RYR3: variants seen among roughly 807,000 people sequenced by gnomAD.
RYR3 encodes the protein ryanodine receptor 3.
In RYR3, 207 loss-of-function variants were observed where a neutral mutation model predicts 584.3. The ratio of observed to expected loss-of-function variants is 0.35; its 90% CI spans 0.32 to 0.40. The LOEUF (loss-of-function observed/expected upper bound fraction) is 0.40, where lower values mean the gene tolerates loss of function less well. Ranked by LOEUF, RYR3 falls within the 10% of genes least tolerant of loss-of-function variation. The pLI, the probability that RYR3 is intolerant of heterozygous loss-of-function variation, is 1.00. For synonymous variants in RYR3, 2,416 were observed against 2,248.5 expected (o/e 1.07, Z -2.11); for missense variants, 5,616 against 6,089.2 (o/e 0.92, Z 2.59).
chr15:33,617,413 A>C lies in RYR3; in HGVS notation c.2357+4038A>C, dbSNP rs1381136421. Among the ~76,000 whole-genome samples, 14 of 151,776 alleles carry C rather than the reference A, an allele frequency of 9.2e-5. 1 individual carries two copies. The highest frequency in any genetic ancestry group is 1.8e-4 in the Non-Finnish European group (12 of 67,946). Reference sequence around the variant, plus strand: ...GGCGACAGAGTGAGACTCTGACTCAAAAAAAAAACGTATTTTATAATGAAA... The same window carrying C: ...GGCGACAGAGTGAGACTCTGACTCACAAAAAAAACGTATTTTATAATGAAA... On this transcript the variant is annotated intron_variant, in intron 19 of 103. Coordinates refer to ENST00000634891, the MANE Select transcript of RYR3 (RefSeq NM_001036.6).
At chr15:33,406,961 T>C (rs1449585630) in intron 1 of RYR3, among the ~76,000 whole-genome samples, 1 of 152,208 alleles carries the variant, frequency 6.6e-6, no homozygotes, top group African/African-American at 2.4e-5. Context: ...TTATCTCTTA[T>C]GGTTTTGGAG....
chr15:33,484,027 A>G (rs2050196206), intron 2 of RYR3, among the ~76,000 whole-genome samples: 1 of 152,192 alleles, frequency 6.6e-6, no homozygotes, highest in Admixed American at 6.6e-5. Context: ...GTGCCTTCAA[A>G]TAGTTATTTA....
At chr15:33,508,648 T>TCAAAA (rs913253952) in intron 3 of RYR3, among the ~76,000 whole-genome samples, 3 of 152,170 alleles carry the variant, frequency 2.0e-5, no homozygotes, top group South Asian at 2.1e-4. Flanking sequence ...AGTCTCCATC[T>TCAAAA]CAAAACAAAA....
At chr15:33,434,666 G>A (rs1307240867) in intron 1 of RYR3, among the ~76,000 whole-genome samples, 1 of 152,042 alleles carries the variant, frequency 6.6e-6, no homozygotes, top group African/African-American at 2.4e-5. Flanking sequence ...AAGTAACAGG[G>A]TATTACCGAT....
chr15:33,555,860 T>C (rs1022118428), intron 10 of RYR3, among the ~76,000 whole-genome samples: 1 of 152,158 alleles, frequency 6.6e-6, no homozygotes, highest in Non-Finnish European at 1.5e-5. Context: ...GAGGAAGGCG[T>C]TCCTCCTCTT....
At chr15:33,598,246 C>CAAAAAAAAAAAAAA (rs35785154) in intron 16 of RYR3, among the ~76,000 whole-genome samples, 5 of 74,306 alleles carry the variant, frequency 6.7e-5, no homozygotes, top group African/African-American at 1.6e-4. Context: ...AAAAATTGCT[C>CAAAAAAAAAAAAAA]AAAAAAAAAA....
chr15:33,458,607 G>A (rs2047757499), intron 1 of RYR3, among the ~76,000 whole-genome samples: 2 of 152,190 alleles, frequency 1.3e-5, no homozygotes, highest in East Asian at 1.9e-4. Flanking sequence ...TCAGTTCATT[G>A]TAAGTTCATG....
chr15:33,464,900 C>A lies in RYR3; in HGVS notation c.52-8519C>A, dbSNP rs183611979. On this transcript the variant is annotated intron_variant, in intron 1 of 103. Transcript: ENST00000634891. ...ACCAGCATCTTCCCACTGTCCCCAT[C>A]CCCCCTGTCTCTGACAACCACCATT... 3.3e-5 allele frequency among the ~76,000 whole-genome samples: 5 copies of A among 152,260 alleles called. No individual in the cohort carries two copies. The East Asian group carries it at 9.7e-4, about 29-fold the overall frequency.
At chr15:33,859,809 G>T in intron 100 of RYR3, 78 bp downstream of exon 100, 1 of 1,416,182 alleles carries the variant, frequency 7.1e-7, no homozygotes. Flanking sequence ...TGACTTAATT[G>T]GTTTATGAAG....
chr15:33,401,190 G>C (rs994143746), intron 1 of RYR3, among the ~76,000 whole-genome samples: 1 of 152,070 alleles, frequency 6.6e-6, no homozygotes, highest in African/African-American at 2.4e-5. Context: ...TGCTTTGTTG[G>C]GGCAATCATC....
At chr15:33,584,897 G>C (rs1055692565) in intron 15 of RYR3, among the ~76,000 whole-genome samples, 20 of 151,794 alleles carry the variant, frequency 1.3e-4, no homozygotes, top group Non-Finnish European at 2.8e-4. Context: ...TCTAAAAGCG[G>C]GAGTGAAGAA....
At position 33,748,293 on chromosome 15, in the gene RYR3, C is replaced by G. The variant is rs749154369; in HGVS notation, c.8136+33C>G. The G allele has an allele frequency of 5.6e-6, 9 of 1,607,302 alleles. No individual in the cohort carries two copies. The East Asian group carries it at 1.6e-4, about 28-fold the overall frequency. ...ACCACACCCAGAGGCCCACGCTGGGCCGATGGAAGCCATGGAGAATCTGGG... is the reference window on the plus strand; with the variant it reads ...ACCACACCCAGAGGCCCACGCTGGGGCGATGGAAGCCATGGAGAATCTGGG... On this transcript the variant is annotated intron_variant, in intron 54 of 103. Transcript: ENST00000634891.
At chr15:33,521,001 G>A (rs1170415780) in intron 3 of RYR3, among the ~76,000 whole-genome samples, 1 of 152,162 alleles carries the variant, frequency 6.6e-6, no homozygotes, top group Non-Finnish European at 1.5e-5. Flanking sequence ...TTCTCATAGG[G>A]CAAAGGCTCT....
intron 81 of RYR3, among the ~76,000 whole-genome samples, chr15:33,825,266 CTTCT>C (rs3833821): frequency 0.67 from 102,091 of 151,412 alleles, 34,687 homozygotes; most frequent in South Asian, 0.8. Flanking sequence ...CAGATTATTC[CTTCT>C]TTATTTGGAA....
intron 3 of RYR3, among the ~76,000 whole-genome samples, chr15:33,517,889 G>T (rs985350881): frequency 1.3e-5 from 2 of 152,108 alleles, no homozygotes; most frequent in Non-Finnish European, 2.9e-5. Context: ...ATGACAGCAT[G>T]ATTTAATAAT....
At chr15:33,613,128 G>A (rs903570355) in intron 18 of RYR3, 55 bp from the exon 19 acceptor site, 10 of 1,425,200 alleles carry the variant, frequency 7.0e-6, no homozygotes, top group Non-Finnish European at 2.9e-6. Context: ...GCCTTTCTCA[G>A]CCTAGCAGGT....
intron 2 of RYR3, among the ~76,000 whole-genome samples, chr15:33,481,113 T>C (rs1195003233): frequency 6.6e-6 from 1 of 152,254 alleles, no homozygotes; most frequent in African/African-American, 2.4e-5. Context: ...TGACTCATGC[T>C]AGTGTAGCCA....
chr15:33,514,990 C>T (rs2196285), intron 3 of RYR3, among the ~76,000 whole-genome samples: 49,586 of 151,332 alleles, frequency 0.33, 8,918 homozygotes, highest in African/African-American at 0.42. Flanking sequence ...GGGGACAGAG[C>T]GAGACTCTGT....
intron 32 of RYR3, among the ~76,000 whole-genome samples, chr15:33,657,566 A>G (rs2062892908): frequency 6.6e-6 from 1 of 152,250 alleles, no homozygotes; most frequent in Non-Finnish European, 1.5e-5. Context: ...TCAGAACAAC[A>G]TCAAATCAGA....
Sources: allele counts gnomAD v4.1 joint callset (sites outside exome capture counted in the v4.1 genomes callset), GRCh38; gene constraint gnomAD v4.1.1; transcripts MANE v1.5; gene names NCBI Gene and HGNC (gene_info 2026-07-23, HGNC 2026-07-21).